Variants in RRP7A observed in about 807,000 individuals in gnomAD.
The protein encoded by RRP7A is ribosomal RNA processing 7 homolog A, also known as ribosomal RNA-processing protein 7 homolog A.
RRP7A carries 27 observed loss-of-function variants against 38.4 expected under a neutral mutation model. That is an observed-to-expected ratio of 0.70 (90% CI 0.52 to 0.97). RRP7A has a LOEUF of 0.97. RRP7A is among the 50% of genes least tolerant of loss of function. RRP7A has a pLI of 0.00. For synonymous variants in RRP7A, 124 were observed against 150.3 expected (o/e 0.83, Z 1.28); for missense variants, 327 against 375.4 (o/e 0.87, Z 1.07).
Position 42,511,262 on chromosome 22 carries a change from C to T in RRP7A, c.*1648G>A, listed in dbSNP as rs1403045016. The T allele has an allele frequency of 5.9e-5, 9 of 152,214 alleles. No individual in the cohort carries two copies. Among genetic ancestry groups the T allele is most frequent in the African/African-American group, 2.2e-4 (9 of 41,376 alleles). 9.4% of individuals were successfully genotyped at this position (152,214 alleles called of 1,614,324 possible). On this transcript the variant is annotated 3_prime_UTR_variant, in exon 7 of 7. Coordinates refer to ENST00000323013, the MANE Select transcript of RRP7A (RefSeq NM_015703.5). ...GAAGATCTCAGCTTACTGTAACCTC[C>T]ACCTCCCGGGTTCAAGCGACTCTCG...
At position 42,519,752 on chromosome 22, in the gene RRP7A, TC is replaced by T; in HGVS notation, c.34del (p.Asp12ThrfsTer31). 1.4e-6 allele frequency: 2 copies of T among 1,454,176 alleles called. No homozygotes were observed. Among genetic ancestry groups the T allele is most frequent in the Non-Finnish European group, 1.8e-6 (2 of 1,105,366 alleles). 90.1% of individuals were successfully genotyped at this position (1,454,176 alleles called of 1,614,324 possible). On this transcript the variant is annotated frameshift_variant, in exon 1 of 7. Transcript: ENST00000323013. LOFTEE classifies it high-confidence loss of function. ...TGGGCTGGGGATACGGTCCTCCGGG[TC>T]CCGCGCGGCGCACTTCCTCCTGCGC... The part of the protein sequence containing the change: ...VARRRKCAAR[D>X]PEDRIPSPLG...
chr22:42,513,321 C>T (rs576646969), intron 6 of RRP7A, among the ~76,000 whole-genome samples: 1,358 of 115,634 alleles, frequency 0.012, 23 homozygotes, highest in African/African-American at 0.041. Context: ...GAGCGCTCGG[C>T]CTGGAGAACC....
At chr22:42,518,232 A>G in intron 1 of RRP7A, 85 bp from the exon 2 acceptor site, 4 of 1,119,634 alleles carry the variant, frequency 3.6e-6, no homozygotes, top group Non-Finnish European at 5.3e-6. Context: ...CTTTCTCCAC[A>G]TCCCTGTCTA....
chr22:42,514,343 TGCAGCCTCCA>T (rs1569260247), intron 5 of RRP7A, 39 bp from the exon 6 acceptor site: 1 of 1,377,704 alleles, frequency 7.3e-7, no homozygotes. Flanking sequence ...TGGGACCTCC[TGCAGCCTCCA>T]GCAGCGCGCC....
At position 42,510,429 on chromosome 22, in the gene RRP7A, C is replaced by A. The variant is rs193106994; in HGVS notation, c.*2481G>T. The A allele has an allele frequency of 7.3e-6, 2 of 272,516 alleles. No homozygotes were observed. Among genetic ancestry groups the A allele is most frequent in the African/African-American group, 2.2e-5 (1 of 44,716 alleles). The allele number at this position is 272,516 out of a possible 1,614,324, so 16.9% of individuals were successfully genotyped here. On this transcript the variant is annotated 3_prime_UTR_variant, in exon 7 of 7. Coordinates refer to ENST00000323013, the MANE Select transcript of RRP7A (RefSeq NM_015703.5). ...AGGCTGTGCCTTCAGCACTTGCTTGCGCCTGGCTTGTGCCAGCTGAGCGTG... is the reference window on the plus strand; with the variant it reads ...AGGCTGTGCCTTCAGCACTTGCTTGAGCCTGGCTTGTGCCAGCTGAGCGTG...
At chr22:42,515,517 T>G (rs527406853) in intron 3 of RRP7A, among the ~76,000 whole-genome samples, 14 of 152,348 alleles carry the variant, frequency 9.2e-5, no homozygotes, top group Admixed American at 7.2e-4. Flanking sequence ...TACAGAGGCT[T>G]CTTTTCTTCC....
At chr22:42,516,726 G>C (rs1312385338) in intron 2 of RRP7A, among the ~76,000 whole-genome samples, 1 of 152,224 alleles carries the variant, frequency 6.6e-6, no homozygotes, top group Non-Finnish European at 1.5e-5. Flanking sequence ...ATGACAGTTG[G>C]GATGGTGGTT....
intron 1 of RRP7A, among the ~76,000 whole-genome samples, chr22:42,518,413 G>T (rs1484674325): frequency 3.0e-4 from 46 of 151,556 alleles, no homozygotes; most frequent in African/African-American, 9.9e-4. Flanking sequence ...TGAGAGGGAA[G>T]CTCGAACCCT....
rs1159519323 is a variant in RRP7A, at chr22:42,508,388, G to A, written c.*4522C>T. 6.7e-6 allele frequency among the ~76,000 whole-genome samples: 1 copy of A among 149,848 alleles called. No homozygotes were observed. The highest frequency in any genetic ancestry group is 1.5e-5 in the Non-Finnish European group (1 of 67,536). Reference sequence around the variant, plus strand: ...TAACATCCACAATGTGATTTAAGATGTAATCAACATAAAGCTTGATTGCAT... The same window carrying A: ...TAACATCCACAATGTGATTTAAGATATAATCAACATAAAGCTTGATTGCAT... On this transcript the variant is annotated 3_prime_UTR_variant, in exon 7 of 7. Coordinates refer to ENST00000323013, the MANE Select transcript of RRP7A (RefSeq NM_015703.5).
chr22:42,517,654 G>C (rs767683151), intron 2 of RRP7A, among the ~76,000 whole-genome samples: 7 of 152,090 alleles, frequency 4.6e-5, no homozygotes, highest in Non-Finnish European at 8.8e-5. Context: ...CTAGTAGCCA[G>C]GACTACCCAC....
rs1474787765 is a variant in RRP7A at position 42,509,753 on chromosome 22, G to A, written c.*3157C>T. On this transcript the variant is annotated 3_prime_UTR_variant, in exon 7 of 7. Transcript: ENST00000323013. ...GACACAACCGTCTACGTGTTGTATG[G>A]CTGCATTCACGTTCAAGTCCAAATA... Among the ~76,000 whole-genome samples the A allele has an allele frequency of 6.9e-6, 1 of 145,400 alleles. No individual in the cohort carries two copies. Among genetic ancestry groups the A allele is most frequent in the Non-Finnish European group, 1.5e-5 (1 of 66,060 alleles).
At position 42,512,669 on chromosome 22, in the gene RRP7A, G is replaced by A. The variant is rs974353273; in HGVS notation, c.*241C>T. On this transcript the variant is annotated 3_prime_UTR_variant, in exon 7 of 7. Transcript: ENST00000323013. ...GGAGAGGAGGGTGTGGAGGCAAGAAGCAGGAAGGACAAGTCCTCCTCTCGG... is the reference window on the plus strand; with the variant it reads ...GGAGAGGAGGGTGTGGAGGCAAGAAACAGGAAGGACAAGTCCTCCTCTCGG... 5.5e-5 allele frequency: 33 copies of A among 598,364 alleles called. 1 individual carries two copies. The highest frequency in any genetic ancestry group is 5.4e-4 in the African/African-American group (29 of 54,124). 37.1% of individuals were successfully genotyped at this position (598,364 alleles called of 1,614,324 possible).
Position 42,517,970 on chromosome 22 carries a change from C to T in RRP7A, c.216+35G>A, listed in dbSNP as rs1279991442. On this transcript the variant is annotated intron_variant, in intron 2 of 6. Coordinates refer to ENST00000323013, the MANE Select transcript of RRP7A (RefSeq NM_015703.5). Reference sequence around the variant, plus strand: ...AGGCCATGGGAGCCCCCACCTTGAGCCCACAGGTCTCCTCCCAGACAGACA... The same window carrying T: ...AGGCCATGGGAGCCCCCACCTTGAGTCCACAGGTCTCCTCCCAGACAGACA... 4 of 1,603,392 alleles carry T rather than the reference C, an allele frequency of 2.5e-6. No individual in the cohort carries two copies. In the African/African-American group the frequency reaches 5.3e-5, roughly 21 times the overall value.
At position 42,510,638 on chromosome 22, in the gene RRP7A, C is replaced by T. The variant is rs984768187; in HGVS notation, c.*2272G>A. 5.5e-5 allele frequency: 72 copies of T among 1,305,940 alleles called. No homozygotes were observed. Among genetic ancestry groups the T allele is most frequent in the Admixed American group, 1.9e-5 (1 of 52,246 alleles). The allele number at this position is 1,305,940 out of a possible 1,614,324, so 80.9% of individuals were successfully genotyped here. A position where few individuals can be genotyped will look rare whatever the true frequency, so the allele number is the denominator to read the frequency against. Reference sequence around the variant, plus strand: ...CAACTCCTCACTTTCCAGAGCAGTCCACGGATATTTTGATCCAAGAGAGAA... The same window carrying T: ...CAACTCCTCACTTTCCAGAGCAGTCTACGGATATTTTGATCCAAGAGAGAA... On this transcript the variant is annotated 3_prime_UTR_variant, in exon 7 of 7. Coordinates refer to ENST00000323013, the MANE Select transcript of RRP7A (RefSeq NM_015703.5).
At chr22:42,515,008 C>T in intron 4 of RRP7A, 143 bp downstream of exon 4, 1 of 613,080 alleles carries the variant, frequency 1.6e-6, no homozygotes, top group Middle Eastern at 4.4e-4. Flanking sequence ...AGACACAGCC[C>T]CATGGTCCTC....
At chr22:42,519,365 T>C (rs1304734153) in intron 1 of RRP7A, among the ~76,000 whole-genome samples, 2 of 151,650 alleles carry the variant, frequency 1.3e-5, no homozygotes, top group East Asian at 3.9e-4. Context: ...TAAGAGCTGA[T>C]GGGGGATGGA....
intron 6 of RRP7A, 148 bp downstream of exon 6, chr22:42,513,958 C>G (rs1395441515): frequency 2.8e-6 from 2 of 715,502 alleles, no homozygotes; most frequent in African/African-American, 1.7e-5. Context: ...CCTCTTTCCA[C>G]AGAGTCTGGT....
At chr22:42,517,438 A>G (rs1334774701) in intron 2 of RRP7A, among the ~76,000 whole-genome samples, 5 of 151,842 alleles carry the variant, frequency 3.3e-5, no homozygotes, top group Admixed American at 2.6e-4. Flanking sequence ...TAAATTATGG[A>G]CATGTACAAT....
intron 2 of RRP7A, among the ~76,000 whole-genome samples, chr22:42,516,759 G>A (rs1255171108): frequency 6.6e-6 from 1 of 152,206 alleles, no homozygotes; most frequent in Non-Finnish European, 1.5e-5. Context: ...GGCAGCGGGG[G>A]TTCTGGGATG....
Sources: gnomAD v4.1 joint callset for allele counts (sites outside exome capture counted in the v4.1 genomes callset) on GRCh38, gnomAD v4.1.1 for gene constraint, MANE v1.5 for transcripts, NCBI Gene and HGNC (gene_info 2026-07-23, HGNC 2026-07-21) for gene names.